Variants in MACROD1 observed in about 807,000 individuals in gnomAD.
MACROD1 encodes mono-ADP ribosylhydrolase 1.
A neutral mutation model predicts 41.4 loss-of-function variants in MACROD1; 31 were observed. The observed-to-expected ratio is 0.75, with a 90% CI of 0.56 to 1.01. MACROD1 has a LOEUF of 1.01. Among genes scored for constraint, MACROD1 ranks in the 50% least tolerant of loss-of-function variants. MACROD1 has a pLI of 0.00. For missense variants in MACROD1, 473 were observed against 460.0 expected (o/e 1.03, Z -0.26); for synonymous variants, 252 against 203.4 (o/e 1.24, Z -2.03).
chr11:64,001,035 T>G, intron 4 of MACROD1: 1 of 219,192 alleles, frequency 4.6e-6, no homozygotes, highest in East Asian at 1.1e-4. Context: ...TCCAGCTTAA[T>G]TACGGCCCCG....
chr11:64,149,606 G>A (rs1288402518), intron 3 of MACROD1, among the ~76,000 whole-genome samples: 1 of 152,214 alleles, frequency 6.6e-6, no homozygotes, highest in Non-Finnish European at 1.5e-5. Flanking sequence ...CCATGTTGCA[G>A]CGAACCACCA....
intron 3 of MACROD1, among the ~76,000 whole-genome samples, chr11:64,049,066 G>A (rs112415305): frequency 2.0e-5 from 3 of 152,344 alleles, no homozygotes; most frequent in African/African-American, 7.2e-5. Flanking sequence ...TGTCCTTCAG[G>A]GGGTGGGGCC....
chr11:64,138,635 T>G (rs1408529556), intron 3 of MACROD1: 2 of 772,024 alleles, frequency 2.6e-6, no homozygotes. Context: ...CCAACTGCGA[T>G]GCCGCTCGGC....
At chr11:64,086,060 T>G (rs1361277999) in intron 3 of MACROD1, among the ~76,000 whole-genome samples, 1 of 152,056 alleles carries the variant, frequency 6.6e-6, no homozygotes, top group Non-Finnish European at 1.5e-5. Context: ...CCTCCCTCCC[T>G]ATGGAGCCCT....
At chr11:64,015,592 A>G (rs570784097) in intron 3 of MACROD1, among the ~76,000 whole-genome samples, 7 of 152,184 alleles carry the variant, frequency 4.6e-5, no homozygotes, top group African/African-American at 7.2e-5. Context: ...CGGCCCTTTC[A>G]TTCCTTCACT....
intron 2 of MACROD1, among the ~76,000 whole-genome samples, chr11:64,151,922 AG>A (rs1165068452): frequency 6.6e-6 from 1 of 152,192 alleles, no homozygotes; most frequent in Non-Finnish European, 1.5e-5. Flanking sequence ...TGAGGTCAGT[AG>A]TTCGAGACCA....
At chr11:64,102,995 T>C (rs1165992313) in intron 3 of MACROD1, among the ~76,000 whole-genome samples, 2 of 151,272 alleles carry the variant, frequency 1.3e-5, no homozygotes, top group Non-Finnish European at 2.9e-5. Context: ...CGGTTGAACC[T>C]GGGAGGCAGA....
chr11:64,152,574 T>G (rs1945598619), intron 1 of MACROD1, among the ~76,000 whole-genome samples, 181 bp from the exon 2 acceptor site: 1 of 152,234 alleles, frequency 6.6e-6, no homozygotes, highest in South Asian at 2.1e-4. Flanking sequence ...TATCTTGTCC[T>G]GCTCTCTTTG....
intron 3 of MACROD1, among the ~76,000 whole-genome samples, chr11:64,084,446 C>T (rs1025976939): frequency 3.3e-5 from 5 of 152,212 alleles, no homozygotes; most frequent in African/African-American, 1.2e-4. Context: ...TGTGGGCAGG[C>T]GCTGTGGAGG....
At chr11:64,148,835 G>A (rs534780036) in intron 3 of MACROD1, 4 of 985,690 alleles carry the variant, frequency 4.1e-6, no homozygotes, top group South Asian at 9.4e-5. Context: ...GGTGGGCACA[G>A]GGGCTGGGGT....
intron 4 of MACROD1, among the ~76,000 whole-genome samples, chr11:64,000,609 T>A (rs1942807567): frequency 6.6e-6 from 1 of 151,562 alleles, no homozygotes; most frequent in Non-Finnish European, 1.5e-5. Context: ...GCCCACCCTG[T>A]CCCTTCCAGG....
At chr11:64,026,870 C>G (rs1216468409) in intron 3 of MACROD1, among the ~76,000 whole-genome samples, 1 of 152,176 alleles carries the variant, frequency 6.6e-6, no homozygotes, top group East Asian at 1.9e-4. Context: ...AAAATGTCAC[C>G]TCCTCTAAGG....
chr11:64,052,038 C>G (rs922156048), intron 3 of MACROD1, among the ~76,000 whole-genome samples: 1 of 151,336 alleles, frequency 6.6e-6, no homozygotes, highest in Non-Finnish European at 1.5e-5. Flanking sequence ...TGGCTGGTAT[C>G]TAGGGGGGCA....
intron 3 of MACROD1, among the ~76,000 whole-genome samples, chr11:64,077,106 C>T (rs1339645435): frequency 6.6e-6 from 1 of 152,180 alleles, no homozygotes; most frequent in Non-Finnish European, 1.5e-5. Context: ...CAGTGCCCTC[C>T]ACCTCAGTCC....
chr11:64,117,472 C>T (rs1945010725), intron 3 of MACROD1: 1 of 1,612,622 alleles, frequency 6.2e-7, no homozygotes, highest in Non-Finnish European at 8.5e-7. Context: ...CACGCCTCTG[C>T]CACCACGCCC....
intron 3 of MACROD1, among the ~76,000 whole-genome samples, chr11:64,088,379 C>T (rs910942959): frequency 1.3e-5 from 2 of 152,094 alleles, no homozygotes; most frequent in African/African-American, 2.4e-5. Context: ...TGACTGTCTG[C>T]GGGCCTCGGG....
chr11:63,999,625 C>A lies in MACROD1; in HGVS notation c.786+17G>T. 6.2e-7 allele frequency: 1 copy of A among 1,609,392 alleles called. No homozygotes were observed. Among genetic ancestry groups the A allele is most frequent in the Non-Finnish European group, 8.5e-7 (1 of 1,178,790 alleles). Reference sequence around the variant, plus strand: ...CTGCGCCCCGCCTCCCGCCCTCCCCCGCGGGCCGTCCCTCACCACCGAGCG... The same window carrying A: ...CTGCGCCCCGCCTCCCGCCCTCCCCAGCGGGCCGTCCCTCACCACCGAGCG... On this transcript the variant is annotated intron_variant, in intron 6 of 10. Coordinates refer to ENST00000255681, the MANE Select transcript of MACROD1 (RefSeq NM_014067.4).
intron 3 of MACROD1, among the ~76,000 whole-genome samples, chr11:64,093,326 G>A (rs557353504): frequency 1.3e-5 from 2 of 152,302 alleles, no homozygotes; most frequent in East Asian, 1.9e-4. Flanking sequence ...TCACTGCTGC[G>A]GACACAGTCC....
intron 3 of MACROD1, among the ~76,000 whole-genome samples, chr11:64,079,388 G>A (rs949287219): frequency 1.3e-5 from 2 of 150,064 alleles, no homozygotes; most frequent in Non-Finnish European, 3.0e-5. Flanking sequence ...TGATAGGAGG[G>A]AAGGGGGTCG....
Sources: gnomAD v4.1 joint callset for allele counts (sites outside exome capture counted in the v4.1 genomes callset) on GRCh38, gnomAD v4.1.1 for gene constraint, MANE v1.5 for transcripts, NCBI Gene and HGNC (gene_info 2026-07-23, HGNC 2026-07-21) for gene names.